GRIA3: variants seen among roughly 807,000 people sequenced by gnomAD.
The protein encoded by GRIA3 is glutamate ionotropic receptor AMPA type subunit 3.
A neutral mutation model predicts 63.0 loss-of-function variants in GRIA3; 3 were observed. The ratio of observed to expected loss-of-function variants is 0.05; its 90% CI spans 0.02 to 0.12. GRIA3 has a LOEUF of 0.12. Ranked by LOEUF, GRIA3 falls within the 10% of genes least tolerant of loss-of-function variation. The pLI is 1.00. For synonymous variants in GRIA3, 274 were observed against 257.9 expected, an observed-to-expected ratio of 1.06 and a Z score of -0.60; for missense variants, 347 against 700.9, an observed-to-expected ratio of 0.50 and a Z score of 5.70.
intron 5 of GRIA3, among the ~76,000 whole-genome samples, chrX:123,393,786 A>C (rs1385233283): frequency 8.9e-6 from 1 of 112,073 alleles, no homozygotes; most frequent in Non-Finnish European, 1.9e-5. Context: ...GAGGGTTCTA[A>C]AGAAGGGAGG....
intron 13 of GRIA3, among the ~76,000 whole-genome samples, chrX:123,479,758 T>C (rs2045903766): frequency 8.9e-6 from 1 of 112,187 alleles, no homozygotes; most frequent in South Asian, 3.8e-4. Flanking sequence ...CCGCCGACGA[T>C]TGTCACCTGA....
chrX:123,371,033 A>T (rs1369565473), intron 5 of GRIA3, among the ~76,000 whole-genome samples: 1 of 33,174 alleles, frequency 3.0e-5, no homozygotes, highest in African/African-American at 1.1e-4. Context: ...CCTCCCACCC[A>T]CCCCCACTAC....
At chrX:123,461,240 C>T (rs762285114) in intron 12 of GRIA3, among the ~76,000 whole-genome samples, 1 of 111,754 alleles carries the variant, frequency 8.9e-6, no homozygotes, top group South Asian at 3.8e-4. Context: ...GCCAAGAGGG[C>T]TAGCAAAATT....
intron 2 of GRIA3, among the ~76,000 whole-genome samples, chrX:123,216,779 CATT>C (rs1420718737): frequency 1.8e-5 from 2 of 112,048 alleles, no homozygotes; most frequent in African/African-American, 3.2e-5. Flanking sequence ...ATTAAGCAAA[CATT>C]GTTGGTTTTT....
intron 12 of GRIA3, among the ~76,000 whole-genome samples, chrX:123,448,962 T>C (rs2045716683): frequency 8.9e-6 from 1 of 112,104 alleles, no homozygotes; most frequent in Non-Finnish European, 1.9e-5. Context: ...GTGGGTCCTA[T>C]TACCATCCCC....
chrX:123,232,780 TG>T (rs2044282651), intron 2 of GRIA3, among the ~76,000 whole-genome samples: 1 of 111,026 alleles, frequency 9.0e-6, no homozygotes, highest in Non-Finnish European at 1.9e-5. Flanking sequence ...AGCATAATAA[TG>T]AAAGCTATCC....
chrX:123,455,521 G>A (rs5958238), intron 12 of GRIA3, among the ~76,000 whole-genome samples: 1,608 of 111,908 alleles, frequency 0.014, 31 homozygotes, highest in African/African-American at 0.048. Context: ...AAAAAAATGT[G>A]TCCGATGCAT....
At chrX:123,459,592 A>C (rs2045781641) in intron 12 of GRIA3, among the ~76,000 whole-genome samples, 1 of 111,756 alleles carries the variant, frequency 8.9e-6, no homozygotes, top group Non-Finnish European at 1.9e-5. Flanking sequence ...ATTATCTAGC[A>C]GTGCTTGAGA....
intron 10 of GRIA3, among the ~76,000 whole-genome samples, chrX:123,415,368 A>G (rs2045531328): frequency 8.9e-6 from 1 of 112,162 alleles, no homozygotes; most frequent in Admixed American, 9.4e-5. Context: ...TATAGAATGC[A>G]TGGAATAAGT....
chrX:123,225,164 A>C (rs2147267377), intron 2 of GRIA3, among the ~76,000 whole-genome samples: 1 of 112,028 alleles, frequency 8.9e-6, no homozygotes, highest in African/African-American at 3.2e-5. Flanking sequence ...ATTTGGGGCA[A>C]GTCAACCGGT....
At chrX:123,458,249 A>C (rs2045772750) in intron 12 of GRIA3, among the ~76,000 whole-genome samples, 1 of 109,291 alleles carries the variant, frequency 9.1e-6, no homozygotes, top group Non-Finnish European at 1.9e-5. Flanking sequence ...ACAAAAAAAG[A>C]CATGATCCCT....
chrX:123,240,350 T>C (rs2044323113), intron 2 of GRIA3, among the ~76,000 whole-genome samples: 1 of 111,904 alleles, frequency 8.9e-6, no homozygotes, highest in Admixed American at 9.5e-5. Context: ...TTTTTTTTCC[T>C]TGATGGAAAA....
rs183012290 is a variant in GRIA3, at chrX:123,430,811, T to A, written c.2076+2672T>A. Among the ~76,000 whole-genome samples, 443 of 110,526 alleles carry A rather than the reference T, an allele frequency of 4.0e-3. 1 individual carries two copies. The highest frequency in any genetic ancestry group is 0.014 in the African/African-American group (415 of 30,380). On this transcript the variant is annotated intron_variant, in intron 12 of 15. Transcript: ENST00000620443. ...CAGCCTGGTCAACACGGTAAAACCC[T>A]GTCTCTACTAAAAATACAAAAATTA... is the stretch of plus-strand genomic sequence containing the variant.
At chrX:123,314,044 C>A (rs963017339) in intron 3 of GRIA3, among the ~76,000 whole-genome samples, 103 of 111,154 alleles carry the variant, frequency 9.3e-4, no homozygotes, top group African/African-American at 3.2e-3. Flanking sequence ...GCCTTCCCCC[C>A]ACTGCCACCC....
In GRIA3 at chrX:123,335,989, G is replaced by T. The variant is rs1165372119; in HGVS notation, c.696+9776G>T. 5.4e-5 allele frequency among the ~76,000 whole-genome samples: 6 copies of T among 111,903 alleles called. No homozygotes were observed. In the Admixed American group the frequency reaches 5.7e-4, roughly 11 times the overall value. ...TTCCCAGATTAAGAGCAACAAAAAT[G>T]TAGCAATTAGAGTGTTCATCACACA... is the stretch of plus-strand genomic sequence containing the variant. On this transcript the variant is annotated intron_variant, in intron 4 of 15. Transcript: ENST00000620443.
chrX:123,327,766 T>C (rs1226040962), intron 4 of GRIA3, among the ~76,000 whole-genome samples: 2 of 110,390 alleles, frequency 1.8e-5, no homozygotes, highest in Non-Finnish European at 3.8e-5. Context: ...ACTAGCCTGG[T>C]TAAATCAAGT....
chrX:123,415,308 A>T (rs1056519984), intron 10 of GRIA3, among the ~76,000 whole-genome samples: 6 of 112,242 alleles, frequency 5.3e-5, no homozygotes, highest in African/African-American at 1.6e-4. Flanking sequence ...AAAATTAAAG[A>T]TGTAAAAGAG....
intron 11 of GRIA3, among the ~76,000 whole-genome samples, chrX:123,418,333 T>A (rs2045546936): frequency 8.9e-6 from 1 of 111,870 alleles, no homozygotes. Flanking sequence ...TAGGAGAATA[T>A]CTGTTTTACC....
At chrX:123,305,689 A>G (rs1005047558) in intron 3 of GRIA3, among the ~76,000 whole-genome samples, 1 of 112,170 alleles carries the variant, frequency 8.9e-6, no homozygotes, top group Non-Finnish European at 1.9e-5. Flanking sequence ...CAAGAAACTG[A>G]GGCAGATTCT....
Sources: allele counts gnomAD v4.1 joint callset (sites outside exome capture counted in the v4.1 genomes callset), GRCh38; gene constraint gnomAD v4.1.1; transcripts MANE v1.5; gene names NCBI Gene and HGNC (gene_info 2026-07-23, HGNC 2026-07-21).